ZNF385D: variants seen among roughly 807,000 people sequenced by gnomAD.
ZNF385D encodes the protein zinc finger protein 385D.
A neutral mutation model predicts 35.8 loss-of-function variants in ZNF385D; 15 were observed. The observed-to-expected ratio is 0.42, with a 90% CI of 0.28 to 0.64. ZNF385D has a LOEUF of 0.64. Among genes scored for constraint, ZNF385D ranks in the 30% least tolerant of loss-of-function variants. The pLI is 0.23. For synonymous variants in ZNF385D, 212 were observed against 186.8 expected (o/e 1.13, Z -1.10); for missense variants, 474 against 494.6 (o/e 0.96, Z 0.39).
intron 2 of ZNF385D, among the ~76,000 whole-genome samples, chr3:22,258,669 G>A (rs1700443956): frequency 6.6e-6 from 1 of 151,648 alleles, no homozygotes; most frequent in Admixed American, 6.6e-5. Context: ...TAGCCCAAGA[G>A]ATTCTATTTA....
intron 3 of ZNF385D, among the ~76,000 whole-genome samples, chr3:22,042,514 T>A (rs1227724132): frequency 2.0e-5 from 3 of 152,114 alleles, no homozygotes; most frequent in East Asian, 3.8e-4. Flanking sequence ...TAGAACAGAC[T>A]ATAAGGTATT....
chr3:22,095,326 C>T (rs932831183), intron 3 of ZNF385D, among the ~76,000 whole-genome samples: 1 of 151,834 alleles, frequency 6.6e-6, no homozygotes, highest in Non-Finnish European at 1.5e-5. Context: ...TTAAATTCTG[C>T]ACATCTATTT....
chr3:21,646,015 CTCAT>C lies in ZNF385D; in HGVS notation c.165+18867_165+18870del, dbSNP rs1470377086. On this transcript the variant is annotated intron_variant, in intron 2 of 7. Transcript: ENST00000281523. The surrounding 1 kb of genome is among the most constrained non-coding windows in gnomAD (Gnocchi z 4.3). ...GTTTAAATGAGCATTGTGTAAAAAG[CTCAT>C]TCAAAGAAGCTCGGTCCTCATTTAC... Among the ~76,000 whole-genome samples, 2 of 152,048 alleles carry C rather than the reference CTCAT, an allele frequency of 1.3e-5. No individual in the cohort carries two copies. Among genetic ancestry groups the C allele is most frequent in the Non-Finnish European group, 2.9e-5 (2 of 68,020 alleles).
chr3:21,585,665 C>G (rs1167461715), intron 2 of ZNF385D, among the ~76,000 whole-genome samples: 1 of 152,176 alleles, frequency 6.6e-6, no homozygotes, highest in African/African-American at 2.4e-5. Flanking sequence ...AAGTGTCAGT[C>G]TACTAAGCCA....
Position 21,646,102 on chromosome 3 carries a change from G to GTC in ZNF385D, c.165+18783_165+18784insGA, listed in dbSNP as rs58386198. ...AGGCTGAGGCCAAAGTGTCAGATAA[G>GTC]TTTTTTTTAAAGAAAGAAAACCTCA... On this transcript the variant is annotated intron_variant, in intron 2 of 7. Coordinates refer to ENST00000281523, the MANE Select transcript of ZNF385D (RefSeq NM_024697.3). This position sits in a 1 kb window ranked among gnomAD's most constrained non-coding sequence, Gnocchi z 4.3. 0.016 allele frequency among the ~76,000 whole-genome samples: 2,479 copies of GTC among 151,976 alleles called. 65 individuals carry two copies. The highest frequency in any genetic ancestry group is 0.057 in the African/African-American group (2,344 of 41,452).
At chr3:21,936,586 T>C (rs1204277177) in intron 3 of ZNF385D, among the ~76,000 whole-genome samples, 2 of 152,068 alleles carry the variant, frequency 1.3e-5, no homozygotes, top group Admixed American at 6.6e-5. Flanking sequence ...TCATTTATTA[T>C]AGGTTTGATT....
intron 2 of ZNF385D, among the ~76,000 whole-genome samples, chr3:22,354,860 T>G (rs1256933473): frequency 6.6e-6 from 1 of 152,046 alleles, no homozygotes; most frequent in Non-Finnish European, 1.5e-5. Context: ...AATTTGAAAT[T>G]CAGTTCCTTA....
intron 1 of ZNF385D, among the ~76,000 whole-genome samples, chr3:21,724,948 C>A (rs1342042137): frequency 6.6e-6 from 1 of 152,234 alleles, no homozygotes; most frequent in Non-Finnish European, 1.5e-5. Flanking sequence ...ACACCCTTAG[C>A]AAATGCAAAA....
chr3:21,775,419 A>T (rs539689583), intron 3 of ZNF385D, among the ~76,000 whole-genome samples: 4 of 151,744 alleles, frequency 2.6e-5, no homozygotes, highest in Non-Finnish European at 5.9e-5. Flanking sequence ...AATAAAAATA[A>T]AAAAAGGAAG....
At chr3:21,754,623 T>C (rs1468203914), upstream of ZNF385D, among the ~76,000 whole-genome samples, 5 of 152,078 alleles carry the variant, frequency 3.3e-5, no homozygotes, top group African/African-American at 4.8e-5. Context: ...CTTTTTTTTT[T>C]CCAGTTTTAA....
chr3:21,693,697 T>C (rs73819953), intron 1 of ZNF385D, among the ~76,000 whole-genome samples: 2,294 of 152,192 alleles, frequency 0.015, 60 homozygotes, highest in African/African-American at 0.052. Context: ...CATCTCCCTA[T>C]TGACTATTTT....
At chr3:21,682,553 G>T (rs1273412922) in intron 1 of ZNF385D, among the ~76,000 whole-genome samples, 1 of 150,104 alleles carries the variant, frequency 6.7e-6, no homozygotes, top group Non-Finnish European at 1.5e-5. Flanking sequence ...CACATTTTCA[G>T]GTCCTTTAAT....
At chr3:21,593,486 G>A (rs939541342) in intron 2 of ZNF385D, among the ~76,000 whole-genome samples, 7 of 151,966 alleles carry the variant, frequency 4.6e-5, no homozygotes, top group African/African-American at 7.3e-5. Context: ...TTTTCTATAC[G>A]AGTTTTAAAA....
chr3:21,965,727 G>A (rs910111210), intron 3 of ZNF385D, among the ~76,000 whole-genome samples: 2 of 152,174 alleles, frequency 1.3e-5, no homozygotes, highest in Admixed American at 6.5e-5. Context: ...ATTTCCTGAT[G>A]TTGATAACTT....
rs182050036 is a variant in ZNF385D at position 21,683,442 on chromosome 3, C to T, written c.23-18414G>A. ...GACCATCCTGGCTAACACTGTGAAA[C>T]TCCGTCTCTACTAAAAATACAAAAA... On this transcript the variant is annotated intron_variant, in intron 1 of 7. Transcript: ENST00000281523. Among the ~76,000 whole-genome samples the T allele has an allele frequency of 2.2e-4, 33 of 149,670 alleles. 2 individuals are homozygous for T. Among genetic ancestry groups the T allele is most frequent in the African/African-American group, 8.1e-4 (33 of 40,662 alleles).
intron 3 of ZNF385D, among the ~76,000 whole-genome samples, chr3:21,963,607 C>T (rs1368190068): frequency 2.0e-5 from 3 of 152,250 alleles, no homozygotes; most frequent in South Asian, 2.1e-4. Flanking sequence ...TACTTTCCTG[C>T]CGCTGGTGGT....
At chr3:22,024,315 G>A (rs1697407354) in intron 3 of ZNF385D, among the ~76,000 whole-genome samples, 1 of 151,994 alleles carries the variant, frequency 6.6e-6, no homozygotes, top group Non-Finnish European at 1.5e-5. Context: ...CCCTATATAT[G>A]TGTGCGTGTG....
chr3:21,958,689 A>G (rs1276627047), intron 3 of ZNF385D: 1 of 152,148 alleles, frequency 6.6e-6, no homozygotes, highest in Non-Finnish European at 1.5e-5. Context: ...CTATTTTTCT[A>G]AATTACTGCA....
rs142755538 is a variant in ZNF385D at position 21,720,372 on chromosome 3, C to A, written c.22+30523G>T. On this transcript the variant is annotated intron_variant, in intron 1 of 7. Transcript: ENST00000281523. ...AGTTCTAAACCAGCCTGGGCAACAT[C>A]GTGAGACCCTAGTCTCTACAAAAAT... Among the ~76,000 whole-genome samples the A allele has an allele frequency of 1.1e-4, 17 of 152,236 alleles. No individual in the cohort carries two copies. The East Asian group carries it at 3.1e-3, about 28-fold the overall frequency.
Sources: gnomAD v4.1 joint callset for allele counts (sites outside exome capture counted in the v4.1 genomes callset) on GRCh38, gnomAD v4.1.1 for gene constraint, Gnocchi (gnomAD v3.1) non-coding constraint, MANE v1.5 for transcripts, NCBI Gene and HGNC (gene_info 2026-07-23, HGNC 2026-07-21) for gene names.